The following PCDHA6 variants were observed in gnomAD, a reference collection of about 807,000 sequenced individuals.
PCDHA6 encodes protocadherin alpha 6.
Under a neutral mutation model 60.3 loss-of-function variants are expected in PCDHA6, and 55 were observed. The ratio of observed to expected loss-of-function variants is 0.91; its 90% CI spans 0.73 to 1.14. The LOEUF (loss-of-function observed/expected upper bound fraction) is 1.14, where lower values mean the gene tolerates loss of function less well. Among genes scored for constraint, PCDHA6 ranks in the 50% most tolerant of loss-of-function variants. The pLI, the probability that PCDHA6 is intolerant of heterozygous loss-of-function variation, is 0.00. For missense variants in PCDHA6, 1,327 were observed against 1,256.5 expected, an observed-to-expected ratio of 1.06 and a Z score of -0.85; for synonymous variants, 652 against 557.9, an observed-to-expected ratio of 1.17 and a Z score of -2.38.
intron 1 of PCDHA6, chr5:140,969,554 TC>T: frequency 8.2e-7 from 1 of 1,222,072 alleles, no homozygotes; most frequent in Non-Finnish European, 1.1e-6. Context: ...TGAAGCCTTG[TC>T]CATAAAATTG....
chr5:140,904,589 G>A (rs1562945664), intron 1 of PCDHA6, among the ~76,000 whole-genome samples: 1 of 151,976 alleles, frequency 6.6e-6, no homozygotes, highest in Non-Finnish European at 1.5e-5. Flanking sequence ...CCAGTAGTGG[G>A]ACTGCTGGAT....
chr5:140,988,201 A>C (rs2097286908), intron 3 of PCDHA6, among the ~76,000 whole-genome samples: 1 of 152,064 alleles, frequency 6.6e-6, no homozygotes, highest in Non-Finnish European at 1.5e-5. Context: ...GCATATCCTT[A>C]TTAGGAAAAA....
chr5:140,921,932 TAATTTTACACTTGTAA>T (rs781950121), intron 1 of PCDHA6, among the ~76,000 whole-genome samples: 10 of 152,080 alleles, frequency 6.6e-5, no homozygotes, highest in Non-Finnish European at 1.5e-4. Flanking sequence ...ATAGTCAATA[TAATTTTACACTTGTAA>T]AATCCCAGAA....
rs2150164967 is a variant in PCDHA6, at chr5:140,829,268, G to C, written c.1177G>C (p.Val393Leu). ...GGTGAACTGCTCGCTGACGCCTCAC[G>C]TCCCTTTCAAGCTGGTGTCCACCTT... ...GQVNCSLTPHVPFKLVSTFKN... is the reference protein window; with the variant it reads ...GQVNCSLTPHLPFKLVSTFKN... Residue 393 changes from valine (V) to leucine (L), a missense_variant, in exon 1 of 4, where the codon GTC becomes CTC. Coordinates refer to ENST00000529310, the MANE Select transcript of PCDHA6 (RefSeq NM_018909.4). 2.5e-6 allele frequency: 4 copies of C among 1,614,210 alleles called. No individual in the cohort carries two copies. The highest frequency in any genetic ancestry group is 2.2e-5 in the East Asian group (1 of 44,876).
intron 1 of PCDHA6, chr5:140,848,946 C>G (rs2150425951): frequency 1.2e-6 from 2 of 1,607,130 alleles, no homozygotes; most frequent in African/African-American, 2.7e-5. Context: ...GCTTGACTCT[C>G]GGTTTCCACT....
chr5:140,970,967 G>C (rs2096448125), intron 1 of PCDHA6, among the ~76,000 whole-genome samples: 2 of 152,206 alleles, frequency 1.3e-5, no homozygotes, highest in Non-Finnish European at 2.9e-5. Context: ...GCAGATTGTA[G>C]ATTAAGAAAA....
chr5:140,927,299 T>C, intron 1 of PCDHA6: 4 of 1,614,086 alleles, frequency 2.5e-6, no homozygotes, highest in Middle Eastern at 1.6e-4. Context: ...ATCCCCGAGT[T>C]CCTGACGCCC....
chr5:140,964,918 G>A (rs563180752), intron 1 of PCDHA6, among the ~76,000 whole-genome samples: 59 of 152,308 alleles, frequency 3.9e-4, no homozygotes, highest in Admixed American at 3.4e-3. Context: ...GAATAACACT[G>A]GCTAGGTAGT....
At chr5:140,943,144 G>C (rs894787678) in intron 1 of PCDHA6, among the ~76,000 whole-genome samples, 1 of 151,178 alleles carries the variant, frequency 6.6e-6, no homozygotes, top group Non-Finnish European at 1.5e-5. Context: ...TGTAGTCCCA[G>C]CTACTCTGGA....
At chr5:140,857,326 G>A in intron 1 of PCDHA6, 4 of 1,598,700 alleles carry the variant, frequency 2.5e-6, no homozygotes, top group Non-Finnish European at 1.7e-6. Flanking sequence ...TGGTGACCGC[G>A]CGGGACGGGG....
At chr5:140,850,178 T>C (rs1266429053) in intron 1 of PCDHA6, 11 of 1,592,662 alleles carry the variant, frequency 6.9e-6, no homozygotes, top group East Asian at 6.8e-5. Flanking sequence ...AGAACGACAA[T>C]GCGCCGGCGC....
At chr5:140,877,812 A>AGT (rs1199623134) in intron 1 of PCDHA6, 1 of 1,610,228 alleles carries the variant, frequency 6.2e-7, no homozygotes, top group East Asian at 2.2e-5. Context: ...AGCTGTCTCG[A>AGT]GAAGATTGTT....
At chr5:140,857,621 G>C (rs962164938) in intron 1 of PCDHA6, 3 of 1,596,644 alleles carry the variant, frequency 1.9e-6, no homozygotes, top group East Asian at 4.5e-5. Flanking sequence ...GCTGGACCAC[G>C]AGGAGCTGGA....
At chr5:140,947,642 C>T (rs62384502) in intron 1 of PCDHA6, among the ~76,000 whole-genome samples, 2 of 151,520 alleles carry the variant, frequency 1.3e-5, no homozygotes, top group East Asian at 1.9e-4. Context: ...ATCGTATGAA[C>T]ATATATACCT....
intron 3 of PCDHA6, among the ~76,000 whole-genome samples, chr5:141,005,506 A>G (rs1462164149): frequency 1.3e-5 from 2 of 151,786 alleles, no homozygotes; most frequent in East Asian, 3.9e-4. Flanking sequence ...GATCGAGACC[A>G]TCCTGGCTAA....
At chr5:140,919,940 A>C (rs1162813087) in intron 1 of PCDHA6, among the ~76,000 whole-genome samples, 3 of 152,064 alleles carry the variant, frequency 2.0e-5, no homozygotes, top group African/African-American at 7.2e-5. Context: ...GGCTAATTCC[A>C]GTGAAAAGTT....
In PCDHA6 at chr5:140,929,414, A is replaced by G. The variant is rs1174756115; in HGVS notation, c.2395-49535A>G. The G allele has an allele frequency of 6.6e-6, 10 of 1,504,304 alleles. No individual in the cohort carries two copies. The East Asian group carries it at 1.1e-4, about 17-fold the overall frequency. 93.2% of individuals were successfully genotyped at this position (1,504,304 alleles called of 1,614,324 possible). A position where few individuals can be genotyped will look rare whatever the true frequency, so the allele number is the denominator to read the frequency against. On this transcript the variant is annotated intron_variant, in intron 1 of 3. Transcript: ENST00000529310. ...ATATTTCTTAGACAAGCCTTTCACA[A>G]CATTTCATCAATTGAACTAAACACT...
chr5:140,832,024 T>A (rs1396101344), intron 1 of PCDHA6, among the ~76,000 whole-genome samples: 1 of 152,254 alleles, frequency 6.6e-6, no homozygotes, highest in African/African-American at 2.4e-5. Flanking sequence ...AAAGATTGAA[T>A]TTTTGTTATT....
intron 1 of PCDHA6, chr5:140,841,440 A>C: frequency 6.2e-7 from 1 of 1,612,980 alleles, no homozygotes; most frequent in South Asian, 1.1e-5. Flanking sequence ...GAGGAGGCCA[A>C]ACACGGCACC....
Sources: gnomAD v4.1 joint callset for allele counts (sites outside exome capture counted in the v4.1 genomes callset) on GRCh38, gnomAD v4.1.1 for gene constraint, MANE v1.5 for transcripts, NCBI Gene and HGNC (gene_info 2026-07-23, HGNC 2026-07-21) for gene names.